MAP2K5: variants seen among roughly 807,000 people sequenced by gnomAD.
MAP2K5 encodes the protein mitogen-activated protein kinase kinase 5, also known as dual specificity mitogen-activated protein kinase kinase 5.
MAP2K5 carries 49 observed loss-of-function variants against 83.1 expected under a neutral mutation model. The observed-to-expected ratio is 0.59, with a 90% CI of 0.47 to 0.75. The LOEUF is 0.75. Ranked by LOEUF, MAP2K5 falls within the 30% of genes least tolerant of loss-of-function variation. The pLI is 0.00. For synonymous variants in MAP2K5, 202 were observed against 191.8 expected (o/e 1.05, Z -0.44); for missense variants, 457 against 557.5 (o/e 0.82, Z 1.82).
intron 1 of MAP2K5, among the ~76,000 whole-genome samples, chr15:67,549,659 A>G (rs62015108): frequency 0.016 from 2,399 of 152,288 alleles, 39 homozygotes; most frequent in African/African-American, 0.034. Flanking sequence ...TTTCCCAGAG[A>G]TTCAGACCTA....
At chr15:67,557,685 G>A (rs2084655902) in intron 2 of MAP2K5, among the ~76,000 whole-genome samples, 1 of 152,190 alleles carries the variant, frequency 6.6e-6, no homozygotes, top group Admixed American at 6.5e-5. Context: ...AATTCTCAGA[G>A]TATAGGAAAC....
chr15:67,583,923 T>A (rs1351842596), intron 4 of MAP2K5, among the ~76,000 whole-genome samples: 1 of 151,904 alleles, frequency 6.6e-6, no homozygotes, highest in East Asian at 1.9e-4. Flanking sequence ...TTTTTTTTAA[T>A]TTTTTAATAG....
chr15:67,806,906 G>A lies in MAP2K5; in HGVS notation c.*156G>A. 6.3e-7 allele frequency: 1 copy of A among 1,592,094 alleles called. No homozygotes were observed. Among genetic ancestry groups the A allele is most frequent in the South Asian group, 1.1e-5 (1 of 89,104 alleles). On this transcript the variant is annotated 3_prime_UTR_variant, in exon 22 of 22. Transcript: ENST00000178640. ...TCTGTCAGCAGGTGGCCTTGCCTGG[G>A]GAGCCCCATGTGTGGCCCACCCCAC...
chr15:67,766,644 T>A (rs1289807502), intron 19 of MAP2K5, among the ~76,000 whole-genome samples: 1 of 152,178 alleles, frequency 6.6e-6, no homozygotes, highest in East Asian at 1.9e-4. Context: ...TTGAATTAGA[T>A]AACAAAATAG....
chr15:67,554,859 T>C (rs1459329025), intron 2 of MAP2K5, among the ~76,000 whole-genome samples: 3 of 152,238 alleles, frequency 2.0e-5, no homozygotes, highest in Non-Finnish European at 2.9e-5. Context: ...GGTCTAAATC[T>C]AAATGAGTAA....
intron 1 of MAP2K5, among the ~76,000 whole-genome samples, chr15:67,549,629 C>T (rs1316956868): frequency 6.6e-6 from 1 of 152,178 alleles, no homozygotes; most frequent in Non-Finnish European, 1.5e-5. Context: ...AATTGAAGCT[C>T]AGAGAGGTTA....
At chr15:67,663,651 T>A (rs973183842) in intron 12 of MAP2K5, among the ~76,000 whole-genome samples, 2 of 152,122 alleles carry the variant, frequency 1.3e-5, no homozygotes, top group African/African-American at 2.4e-5. Flanking sequence ...GGCAGGAGGA[T>A]CCCTTGAGGT....
chr15:67,592,379 G>A (rs957132679), intron 6 of MAP2K5, among the ~76,000 whole-genome samples: 3 of 152,116 alleles, frequency 2.0e-5, no homozygotes, highest in African/African-American at 7.2e-5. Context: ...CCATTTTACA[G>A]AAAGAGGAAA....
intron 17 of MAP2K5, among the ~76,000 whole-genome samples, chr15:67,739,357 C>T (rs2089417525): frequency 7.4e-6 from 1 of 134,516 alleles, no homozygotes; most frequent in African/African-American, 2.8e-5. Context: ...TTGTTTAAAT[C>T]TATTTTGAAT....
chr15:67,558,605 G>C (rs1025051987), intron 2 of MAP2K5, among the ~76,000 whole-genome samples: 5 of 152,098 alleles, frequency 3.3e-5, no homozygotes, highest in African/African-American at 9.7e-5. Context: ...CTGCATTTTC[G>C]CATCTGGCCT....
At chr15:67,803,011 G>T (rs1033288771) in intron 21 of MAP2K5, among the ~76,000 whole-genome samples, 1 of 152,230 alleles carries the variant, frequency 6.6e-6, no homozygotes, top group Non-Finnish European at 1.5e-5. Context: ...CTGCCTGGTT[G>T]GTTGCCCTTG....
In MAP2K5 at chr15:67,548,883, G is replaced by A. The variant is rs1041934340; in HGVS notation, c.136-1151G>A. On this transcript the variant is annotated intron_variant, in intron 1 of 21. Coordinates refer to ENST00000178640, the MANE Select transcript of MAP2K5 (RefSeq NM_145160.3). The stretch of plus-strand genomic sequence containing the variant: ...AGGACTGCCTAAGATAGTCCTCTTT[G>A]ATCAGTTTTATATGCACAGATTTAT... 3 of 481,474 alleles carry A rather than the reference G, an allele frequency of 6.2e-6. No homozygotes were observed. In the Admixed American group the frequency reaches 1.3e-4, roughly 20 times the overall value. The allele number at this position is 481,474 out of a possible 1,614,324, so 29.8% of individuals were successfully genotyped here.
At chr15:67,711,012 A>G (rs2088678482) in intron 16 of MAP2K5, among the ~76,000 whole-genome samples, 1 of 152,208 alleles carries the variant, frequency 6.6e-6, no homozygotes, top group African/African-American at 2.4e-5. Context: ...TGAAGGTAAT[A>G]TCTTCTTCTT....
chr15:67,567,479 C>G (rs1265752090), intron 3 of MAP2K5, among the ~76,000 whole-genome samples: 2 of 151,876 alleles, frequency 1.3e-5, no homozygotes, highest in African/African-American at 4.8e-5. Flanking sequence ...ATTCTCCTGC[C>G]TCAGCCTCCC....
At chr15:67,620,220 A>T (rs2086150044) in intron 8 of MAP2K5, among the ~76,000 whole-genome samples, 1 of 152,060 alleles carries the variant, frequency 6.6e-6, no homozygotes, top group South Asian at 2.1e-4. Context: ...AAAATACAAA[A>T]ATTAGCCAGG....
intron 19 of MAP2K5, among the ~76,000 whole-genome samples, chr15:67,752,174 T>C (rs553025485): frequency 6.6e-6 from 1 of 152,008 alleles, no homozygotes; most frequent in East Asian, 2.0e-4. Context: ...CAAGCGATTC[T>C]CCTGTCCCAG....
At chr15:67,754,834 G>A (rs998716245) in intron 19 of MAP2K5, among the ~76,000 whole-genome samples, 3 of 152,336 alleles carry the variant, frequency 2.0e-5, no homozygotes, top group Admixed American at 6.5e-5. Flanking sequence ...GCCAAAAAGC[G>A]TAGGTGTTAC....
At chr15:67,656,733 C>T (rs2087090364) in intron 11 of MAP2K5, among the ~76,000 whole-genome samples, 3 of 152,180 alleles carry the variant, frequency 2.0e-5, no homozygotes, top group African/African-American at 7.2e-5. Flanking sequence ...ATCACTGGGA[C>T]TGTTTTTCCC....
At position 67,802,389 on chromosome 15, in the gene MAP2K5, C is replaced by T. The variant is rs867444745; in HGVS notation, c.1243-4257C>T. On this transcript the variant is annotated intron_variant, in intron 21 of 21. Coordinates refer to ENST00000178640, the MANE Select transcript of MAP2K5 (RefSeq NM_145160.3). This position sits in a 1 kb window ranked among gnomAD's most constrained non-coding sequence, Gnocchi z 5.0. ...GTGAGGGTGTCTGCCCAGGTGATGC[C>T]GGCACCTCCCGACTCTCCCCTGTGT... Among the ~76,000 whole-genome samples, 14 of 152,196 alleles carry T rather than the reference C, an allele frequency of 9.2e-5. No homozygotes were observed. Among genetic ancestry groups the T allele is most frequent in the African/African-American group, 2.7e-4 (11 of 41,452 alleles).
Sources: gnomAD v4.1 joint callset for allele counts (sites outside exome capture counted in the v4.1 genomes callset) on GRCh38, gnomAD v4.1.1 for gene constraint, Gnocchi (gnomAD v3.1) non-coding constraint, MANE v1.5 for transcripts, NCBI Gene and HGNC (gene_info 2026-07-23, HGNC 2026-07-21) for gene names.